Variants in SDK1 observed in about 807,000 individuals in gnomAD.
The protein encoded by SDK1 is protein sidekick-1.
SDK1 carries 157 observed loss-of-function variants against 245.5 expected under a neutral mutation model. The observed-to-expected ratio is 0.64, with a 90% CI of 0.56 to 0.73. The LOEUF is 0.73. Among genes scored for constraint, SDK1 ranks in the 30% least tolerant of loss-of-function variants. SDK1 has a pLI of 0.00. For missense variants in SDK1, 3,583 were observed against 3,002.3 expected (o/e 1.19, Z -4.52); for synonymous variants, 1,647 against 1,278.5 (o/e 1.29, Z -6.15).
chr7:4,176,210 T>C (rs1041387359), intron 34 of SDK1, among the ~76,000 whole-genome samples: 1 of 151,794 alleles, frequency 6.6e-6, no homozygotes, highest in Non-Finnish European at 1.5e-5. Flanking sequence ...TTGCCGAGGC[T>C]GGAGTGCAGT....
intron 1 of SDK1, among the ~76,000 whole-genome samples, chr7:3,379,294 C>G (rs1208788409): frequency 6.6e-6 from 1 of 152,114 alleles, no homozygotes; most frequent in Non-Finnish European, 1.5e-5. Context: ...AATTAATTTG[C>G]ACACACGTAG....
intron 32 of SDK1, among the ~76,000 whole-genome samples, chr7:4,172,447 C>G (rs1781905619): frequency 2.0e-5 from 3 of 152,220 alleles, no homozygotes; most frequent in Admixed American, 2.0e-4. Flanking sequence ...GCAAAGAACA[C>G]CGCTTCCTCC....
intron 42 of SDK1, 142 bp from the exon 43 acceptor site, chr7:4,241,651 C>A: frequency 2.1e-6 from 2 of 948,600 alleles, no homozygotes; most frequent in Non-Finnish European, 1.6e-6. Flanking sequence ...CAGCCCTAAG[C>A]ACAGCTGAAG....
rs907108996 is a variant in SDK1 at position 4,161,887 on chromosome 7, T to C, written c.4800+31T>C. On this transcript the variant is annotated intron_variant, in intron 32 of 44. Transcript: ENST00000404826. Reference sequence around the variant, plus strand: ...AGCGCGGGGAATCACGCGCGTTTTGTCAAATGTGTTCTCATTTCCCTGCGC... The same window carrying C: ...AGCGCGGGGAATCACGCGCGTTTTGCCAAATGTGTTCTCATTTCCCTGCGC... The C allele has an allele frequency of 1.5e-5, 24 of 1,582,734 alleles. No homozygotes were observed. The Middle Eastern group carries it at 6.6e-4, about 44-fold the overall frequency.
At chr7:3,395,477 C>A (rs1031887194) in intron 1 of SDK1, among the ~76,000 whole-genome samples, 2 of 151,558 alleles carry the variant, frequency 1.3e-5, no homozygotes, top group African/African-American at 2.4e-5. Flanking sequence ...TTATTGCATC[C>A]CATAATGAGT....
At chr7:3,639,815 C>G (rs906467293) in intron 3 of SDK1, among the ~76,000 whole-genome samples, 9 of 151,526 alleles carry the variant, frequency 5.9e-5, no homozygotes, top group African/African-American at 2.2e-4. Context: ...AGAGACATAA[C>G]ATATATAATT....
chr7:3,564,992 C>T (rs532327411), intron 1 of SDK1, among the ~76,000 whole-genome samples: 10 of 151,830 alleles, frequency 6.6e-5, no homozygotes, highest in African/African-American at 2.2e-4. Context: ...TATAGGGGAT[C>T]AGGTACTTTA....
chr7:3,642,200 G>T, intron 4 of SDK1, 95 bp downstream of exon 4: 1 of 1,215,398 alleles, frequency 8.2e-7, no homozygotes, highest in Non-Finnish European at 1.2e-6. Flanking sequence ...GGTTACCGAT[G>T]ATTTAAAAAG....
chr7:3,682,894 A>G lies in SDK1; in HGVS notation c.713+40789A>G, dbSNP rs567829284. On this transcript the variant is annotated intron_variant, in intron 4 of 44. Coordinates refer to ENST00000404826, the MANE Select transcript of SDK1 (RefSeq NM_152744.4). Reference sequence around the variant, plus strand: ...GCTGGGACTACAGGGGCCTGCCACCATGCTAATTTTTGTACTTTTAGTAGA... The same window carrying G: ...GCTGGGACTACAGGGGCCTGCCACCGTGCTAATTTTTGTACTTTTAGTAGA... Among the ~76,000 whole-genome samples, 3 of 152,084 alleles carry G rather than the reference A, an allele frequency of 2.0e-5. No homozygotes were observed. The South Asian group carries it at 6.2e-4, about 32-fold the overall frequency.
chr7:3,857,551 G>A (rs1437088676), intron 5 of SDK1, among the ~76,000 whole-genome samples: 2 of 152,022 alleles, frequency 1.3e-5, no homozygotes, highest in Non-Finnish European at 2.9e-5. Context: ...ACCACGTGTG[G>A]TGGTGCATGC....
intron 5 of SDK1, among the ~76,000 whole-genome samples, chr7:3,889,674 AT>A (rs879583001): frequency 1.3e-5 from 2 of 151,910 alleles, no homozygotes; most frequent in East Asian, 3.9e-4. Flanking sequence ...CGCCTGGCTA[AT>A]TTTTTTGTAT....
chr7:3,475,618 T>C (rs1488087340), intron 1 of SDK1, among the ~76,000 whole-genome samples: 1 of 152,202 alleles, frequency 6.6e-6, no homozygotes, highest in Non-Finnish European at 1.5e-5. Context: ...TGTATAAAAA[T>C]CAAATGACAT....
chr7:3,579,034 C>T (rs1337123886), intron 1 of SDK1, among the ~76,000 whole-genome samples: 2 of 151,840 alleles, frequency 1.3e-5, no homozygotes, highest in Non-Finnish European at 2.9e-5. Context: ...ATTTATGTTC[C>T]TCTGCCGCGG....
chr7:3,354,196 C>T (rs1305717893), intron 1 of SDK1, among the ~76,000 whole-genome samples: 2 of 151,914 alleles, frequency 1.3e-5, no homozygotes, highest in Admixed American at 6.6e-5. Flanking sequence ...GATGGGGTTT[C>T]ACTGTGTTAG....
At position 4,178,514 on chromosome 7, in the gene SDK1, A is replaced by G; in HGVS notation, c.5026A>G (p.Ile1676Val). Residue 1676 changes from isoleucine to valine, a missense_variant, in exon 35 of 45, where the codon ATA becomes GTA. By Grantham distance (29) the Ile-to-Val change is conservative. Coordinates refer to ENST00000404826, the MANE Select transcript of SDK1 (RefSeq NM_152744.4). ...AAAGAAGTACCGGCGCTATGAAGTA[A>G]TAATGACCGCCTATAACATCATCGG... ...HLKKYRRYEV[I>V]MTAYNIIGES... is the part of the protein sequence containing the mutation. 2 of 1,613,996 alleles carry G rather than the reference A, an allele frequency of 1.2e-6. No homozygotes were observed. Among genetic ancestry groups the G allele is most frequent in the South Asian group, 1.1e-5 (1 of 91,072 alleles).
intron 1 of SDK1, among the ~76,000 whole-genome samples, chr7:3,421,498 AGAC>A (rs370398514): frequency 1.1e-4 from 17 of 152,302 alleles, no homozygotes; most frequent in Admixed American, 4.6e-4. Flanking sequence ...TGCTGATAGA[AGAC>A]CTTTTGACTT....
chr7:3,752,649 A>G (rs1459875099), intron 4 of SDK1, among the ~76,000 whole-genome samples: 2 of 152,164 alleles, frequency 1.3e-5, no homozygotes, highest in Admixed American at 6.5e-5. Flanking sequence ...GATACTGGAT[A>G]GTATAATCTT....
intron 1 of SDK1, among the ~76,000 whole-genome samples, chr7:3,379,259 C>T (rs1414086520): frequency 6.6e-6 from 1 of 152,106 alleles, no homozygotes; most frequent in Non-Finnish European, 1.5e-5. Flanking sequence ...TATGTATGGT[C>T]TTGTTGGGGA....
intron 1 of SDK1, among the ~76,000 whole-genome samples, chr7:3,573,097 T>G (rs977750824): frequency 6.6e-6 from 1 of 152,002 alleles, no homozygotes; most frequent in East Asian, 1.9e-4. Flanking sequence ...CAGTTTGCTA[T>G]GAAAATGTCT....
Sources: gnomAD v4.1 joint callset for allele counts (sites outside exome capture counted in the v4.1 genomes callset) on GRCh38, gnomAD v4.1.1 for gene constraint, MANE v1.5 for transcripts, NCBI Gene and HGNC (gene_info 2026-07-23, HGNC 2026-07-21) for gene names.